LPP: variants seen among roughly 807,000 people sequenced by gnomAD.
LPP encodes LIM domain containing preferred translocation partner in lipoma.
Under a neutral mutation model 60.4 loss-of-function variants are expected in LPP, and 38 were observed. The ratio of observed to expected loss-of-function variants is 0.63; its 90% confidence interval spans 0.49 to 0.83. The LOEUF is 0.83. Ranked by LOEUF, LPP falls within the 40% of genes least tolerant of loss-of-function variation. The pLI, the probability that LPP is intolerant of heterozygous loss-of-function variation, is 0.00. For missense variants in LPP, 902 were observed against 783.6 expected, an observed-to-expected ratio of 1.15 and a Z score of -1.80; for synonymous variants, 328 against 290.8, an observed-to-expected ratio of 1.13 and a Z score of -1.30.
chr3:188,440,372 A>G (rs1793474686), intron 4 of LPP, among the ~76,000 whole-genome samples: 1 of 152,214 alleles, frequency 6.6e-6, no homozygotes, highest in African/African-American at 2.4e-5. Context: ...AGTAGTGACT[A>G]GCACTTAGTA....
At chr3:188,436,917 T>TG (rs943907622) in intron 4 of LPP, among the ~76,000 whole-genome samples, 4 of 151,582 alleles carry the variant, frequency 2.6e-5, no homozygotes, top group Admixed American at 2.0e-4. Context: ...GCGACTTCGA[T>TG]GGGGGGTAGG....
intron 9 of LPP, among the ~76,000 whole-genome samples, chr3:188,782,748 AAAC>A (rs1371525688): frequency 2.0e-5 from 3 of 151,694 alleles, no homozygotes; most frequent in Admixed American, 2.0e-4. Context: ...GGAAAAAAAA[AAAC>A]AAAACACAGC....
chr3:188,457,738 A>AC (rs60659639), intron 4 of LPP, among the ~76,000 whole-genome samples: 1 of 55,566 alleles, frequency 1.8e-5, no homozygotes, highest in Admixed American at 2.3e-4. Context: ...TAAAAAAAAA[A>AC]AATATATATA....
At chr3:188,575,361 T>G (rs1484168423) in intron 6 of LPP, among the ~76,000 whole-genome samples, 1 of 152,226 alleles carries the variant, frequency 6.6e-6, no homozygotes, top group Non-Finnish European at 1.5e-5. Context: ...TTATTTATTT[T>G]ACGTTTAGTC....
intron 7 of LPP, among the ~76,000 whole-genome samples, chr3:188,670,112 G>T (rs1042631654): frequency 6.6e-6 from 1 of 152,184 alleles, no homozygotes; most frequent in Non-Finnish European, 1.5e-5. Flanking sequence ...GGGGGTTGGG[G>T]AGAGGAGGGA....
In LPP at chr3:188,879,972, C is replaced by A. The variant is rs1161823527; in HGVS notation, c.*5493C>A. 3 of 177,662 alleles carry A rather than the reference C, an allele frequency of 1.7e-5. No individual in the cohort carries two copies. The highest frequency in any genetic ancestry group is 2.4e-5 in the African/African-American group (1 of 42,198). The allele number at this position is 177,662 out of a possible 1,614,324, so 11.0% of individuals were successfully genotyped here. ...AAAATTGTGGACTCTATCTTAGTTA[C>A]AACATGCATGTCCCTTATTTTGTGG... On this transcript the variant is annotated 3_prime_UTR_variant, in exon 12 of 12. Transcript: ENST00000617246.
At chr3:188,345,197 A>C (rs1764001571) in intron 3 of LPP, among the ~76,000 whole-genome samples, 1 of 152,170 alleles carries the variant, frequency 6.6e-6, no homozygotes, top group African/African-American at 2.4e-5. Flanking sequence ...CTAGTTCTTA[A>C]AAGGCCATTA....
chr3:188,839,147 A>C (rs1759268861), intron 9 of LPP, among the ~76,000 whole-genome samples: 1 of 152,244 alleles, frequency 6.6e-6, no homozygotes, highest in South Asian at 2.1e-4. Flanking sequence ...TAACATCTCT[A>C]GGAAAGAGAG....
chr3:188,800,246 C>CTTTTTTTT lies in LPP; in HGVS notation c.1410+39974_1410+39981dup, dbSNP rs33982362. Among the ~76,000 whole-genome samples the CTTTTTTTT allele has an allele frequency of 3.2e-4, 31 of 97,294 alleles. 1 individual carries two copies. Among genetic ancestry groups the CTTTTTTTT allele is most frequent in the Non-Finnish European group, 4.7e-4 (25 of 53,240 alleles). The allele number at this position is 97,294 out of a possible 152,430, so 63.8% of individuals were successfully genotyped here. A position where few individuals can be genotyped will look rare whatever the true frequency, so the allele number is the denominator to read the frequency against. On this transcript the variant is annotated intron_variant, in intron 9 of 11. Coordinates refer to ENST00000617246, the MANE Select transcript of LPP (RefSeq NM_001375462.1). ...TATCTTCATGAAATGTTGAAGCTTT[C>CTTTTTTTT]TTTTTTTTTTTTTTTTTGAGATGGA... is the stretch of plus-strand genomic sequence containing the variant.
intron 9 of LPP, among the ~76,000 whole-genome samples, chr3:188,846,001 G>A (rs895135200): frequency 6.6e-5 from 10 of 152,144 alleles, no homozygotes; most frequent in Admixed American, 2.6e-4. Context: ...TATTAATCTC[G>A]ACAAAATCAA....
chr3:188,753,909 A>G (rs753716079), intron 8 of LPP, among the ~76,000 whole-genome samples: 1 of 152,292 alleles, frequency 6.6e-6, no homozygotes, highest in African/African-American at 2.4e-5. Context: ...GATATACACA[A>G]GCACAGTGAC....
chr3:188,536,099 C>T (rs1823541658), intron 6 of LPP, among the ~76,000 whole-genome samples: 1 of 150,790 alleles, frequency 6.6e-6, no homozygotes, highest in Non-Finnish European at 1.5e-5. Flanking sequence ...ACCACTGCCT[C>T]CCGGGTTCAA....
At chr3:188,423,259 T>A (rs968644455) in intron 4 of LPP, among the ~76,000 whole-genome samples, 1 of 152,176 alleles carries the variant, frequency 6.6e-6, no homozygotes, top group African/African-American at 2.4e-5. Context: ...TTCATCCATG[T>A]CCCTGCAAAG....
chr3:188,215,770 T>C (rs758179277), intron 1 of LPP, among the ~76,000 whole-genome samples: 1 of 152,188 alleles, frequency 6.6e-6, no homozygotes, highest in Non-Finnish European at 1.5e-5. Flanking sequence ...TAGTCAGTAG[T>C]GGAGACTAAT....
chr3:188,189,370 G>A (rs1413736842), intron 1 of LPP, among the ~76,000 whole-genome samples: 3 of 152,320 alleles, frequency 2.0e-5, no homozygotes, highest in East Asian at 1.9e-4. Flanking sequence ...TTACAGGCAT[G>A]AGCCACCGCA....
chr3:188,576,582 A>G (rs559926038), intron 6 of LPP, among the ~76,000 whole-genome samples: 239 of 152,286 alleles, frequency 1.6e-3, no homozygotes, highest in African/African-American at 5.6e-3. Flanking sequence ...ACTTTATACC[A>G]CCAAGTCACC....
chr3:188,660,564 T>C (rs1289667154), intron 7 of LPP, among the ~76,000 whole-genome samples: 1 of 152,202 alleles, frequency 6.6e-6, no homozygotes, highest in Non-Finnish European at 1.5e-5. Flanking sequence ...CTTAAACTTC[T>C]CTTTCAACTA....
At chr3:188,806,236 A>T (rs1198974068) in intron 9 of LPP, among the ~76,000 whole-genome samples, 1 of 151,730 alleles carries the variant, frequency 6.6e-6, no homozygotes, top group African/African-American at 2.4e-5. Flanking sequence ...TTTTGTTTTA[A>T]TGTATTTTGA....
intron 3 of LPP, among the ~76,000 whole-genome samples, chr3:188,348,892 G>A (rs1265573979): frequency 6.6e-6 from 1 of 152,112 alleles, no homozygotes; most frequent in Non-Finnish European, 1.5e-5. Context: ...GGTCCGGGGG[G>A]CGGGGATGCT....
Sources: allele counts gnomAD v4.1 joint callset (sites outside exome capture counted in the v4.1 genomes callset), GRCh38; gene constraint gnomAD v4.1.1; transcripts MANE v1.5; gene names NCBI Gene and HGNC (gene_info 2026-07-23, HGNC 2026-07-21).